The following SP4 variants were observed in gnomAD, a reference collection of about 807,000 sequenced individuals.
SP4 encodes transcription factor Sp4.
A neutral mutation model predicts 72.8 loss-of-function variants in SP4; 19 were observed. The observed-to-expected ratio is 0.26, with a 90% CI of 0.18 to 0.38. SP4 has a LOEUF of 0.38. SP4 is among the 10% of genes least tolerant of loss of function. The probability of loss-of-function intolerance (pLI) is 1.00; values close to 1 mark genes in which losing one functional copy is unlikely to be tolerated. For synonymous variants in SP4, 395 were observed against 333.1 expected, an observed-to-expected ratio of 1.19 and a Z score of -2.02; for missense variants, 1,008 against 926.3, an observed-to-expected ratio of 1.09 and a Z score of -1.14.
In SP4 at chr7:21,452,668, T is replaced by A; in HGVS notation, c.1678+21825T>A. 1.3e-5 allele frequency among the ~76,000 whole-genome samples: 2 copies of A among 152,228 alleles called. 1 individual carries two copies. The highest frequency in any genetic ancestry group is 2.9e-5 in the Non-Finnish European group (2 of 68,052). On this transcript the variant is annotated intron_variant, in intron 3 of 5. Coordinates refer to ENST00000222584, the MANE Select transcript of SP4 (RefSeq NM_003112.5). ...AAGAAAACAGATTTTATTGCACTTA[T>A]GCAAATAACTATATTGCCATTAGTT...
At chr7:21,494,580 G>A (rs922315535) in intron 5 of SP4, among the ~76,000 whole-genome samples, 1 of 152,126 alleles carries the variant, frequency 6.6e-6, no homozygotes, top group African/African-American at 2.4e-5. Flanking sequence ...CAAAATATAT[G>A]CAAGACATGT....
At chr7:21,474,123 A>G (rs957311813) in intron 3 of SP4, among the ~76,000 whole-genome samples, 2 of 152,218 alleles carry the variant, frequency 1.3e-5, no homozygotes, top group African/African-American at 4.8e-5. Context: ...TGTCAAGGAC[A>G]TGGTCAGGGG....
At chr7:21,432,713 G>A (rs1782906081) in intron 3 of SP4, among the ~76,000 whole-genome samples, 1 of 152,206 alleles carries the variant, frequency 6.6e-6, no homozygotes, top group Admixed American at 6.5e-5. Flanking sequence ...CACTGAAGTG[G>A]CTGGGTGTGG....
At chr7:21,447,635 A>G (rs909328491) in intron 3 of SP4, among the ~76,000 whole-genome samples, 1 of 152,212 alleles carries the variant, frequency 6.6e-6, no homozygotes, top group Non-Finnish European at 1.5e-5. Flanking sequence ...CAGCCTCACA[A>G]CTACTGGCAT....
chr7:21,428,704 CGGCA>C lies in SP4; in HGVS notation c.37_40del (p.Ala13ArgfsTer45). ...CAGAAGAAGGAGGAGGAGGAGGAGG[CGGCA>C]GCGGCAGCGGCGATGGCTACAGAAG... On this transcript the variant is annotated frameshift_variant, in exon 2 of 6. Transcript: ENST00000222584. LOFTEE classifies it high-confidence loss of function. The C allele has an allele frequency of 6.4e-7, 1 of 1,553,178 alleles. No homozygotes were observed. Among genetic ancestry groups the C allele is most frequent in the Non-Finnish European group, 8.7e-7 (1 of 1,147,644 alleles).
intron 5 of SP4, among the ~76,000 whole-genome samples, chr7:21,494,002 A>T (rs1403432241): frequency 6.6e-6 from 1 of 152,224 alleles, no homozygotes; most frequent in Non-Finnish European, 1.5e-5. Flanking sequence ...AATATTTGAA[A>T]AAGTCAATGT....
intron 5 of SP4, among the ~76,000 whole-genome samples, chr7:21,508,182 C>T (rs922994710): frequency 7.9e-5 from 12 of 152,122 alleles, no homozygotes; most frequent in Non-Finnish European, 1.6e-4. Flanking sequence ...TCTGCCCTCT[C>T]GGCTGGAGTC....
chr7:21,476,980 T>G, intron 3 of SP4, 99 bp from the exon 4 acceptor site: 2 of 818,418 alleles, frequency 2.4e-6, no homozygotes, highest in Non-Finnish European at 3.8e-6. Flanking sequence ...TTTACACAGA[T>G]TGTTAGAAAA....
intron 5 of SP4, among the ~76,000 whole-genome samples, chr7:21,485,256 T>C (rs1264552465): frequency 6.6e-6 from 1 of 151,974 alleles, no homozygotes; most frequent in African/African-American, 2.4e-5. Flanking sequence ...CTACTACAAA[T>C]AGAAACTTAT....
chr7:21,461,053 T>C (rs1052108379), intron 3 of SP4, among the ~76,000 whole-genome samples: 1 of 152,180 alleles, frequency 6.6e-6, no homozygotes, highest in East Asian at 1.9e-4. Flanking sequence ...TACAGAGTGC[T>C]GATTGGTGTA....
At chr7:21,439,039 A>G (rs1783144283) in intron 3 of SP4, among the ~76,000 whole-genome samples, 1 of 152,224 alleles carries the variant, frequency 6.6e-6, no homozygotes, top group Non-Finnish European at 1.5e-5. Context: ...GTATGTATGA[A>G]AAAACAATAT....
At chr7:21,438,185 A>G (rs1783113135) in intron 3 of SP4, among the ~76,000 whole-genome samples, 1 of 152,186 alleles carries the variant, frequency 6.6e-6, no homozygotes, top group African/African-American at 2.4e-5. Flanking sequence ...CTGCAGAAGA[A>G]TTTCTTGTAC....
At chr7:21,497,619 A>G (rs1781752368) in intron 5 of SP4, among the ~76,000 whole-genome samples, 3 of 152,264 alleles carry the variant, frequency 2.0e-5, no homozygotes, top group South Asian at 4.1e-4. Context: ...AAGCATCATA[A>G]GGATTAGAAT....
intron 3 of SP4, among the ~76,000 whole-genome samples, chr7:21,465,449 G>C (rs1045134186): frequency 3.3e-5 from 5 of 152,204 alleles, no homozygotes; most frequent in Non-Finnish European, 7.3e-5. Flanking sequence ...TAGCAGCTAT[G>C]TAATCTTGGG....
At chr7:21,453,331 A>T (rs1042775378) in intron 3 of SP4, among the ~76,000 whole-genome samples, 1 of 152,288 alleles carries the variant, frequency 6.6e-6, no homozygotes, top group South Asian at 2.1e-4. Flanking sequence ...CCTATCAGTA[A>T]TTATAAAACC....
intron 3 of SP4, among the ~76,000 whole-genome samples, chr7:21,431,230 A>G (rs1043652000): frequency 6.6e-6 from 1 of 152,196 alleles, no homozygotes; most frequent in African/African-American, 2.4e-5. Context: ...CTGAATTGGT[A>G]TATATAATTG....
chr7:21,472,023 C>G (rs1194431777), intron 3 of SP4, among the ~76,000 whole-genome samples: 1 of 152,060 alleles, frequency 6.6e-6, no homozygotes, highest in African/African-American at 2.4e-5. Flanking sequence ...TGAAAAAGAG[C>G]TATATTAGGA....
intron 2 of SP4, 47 bp downstream of exon 2, chr7:21,428,839 G>T (rs1202613594): frequency 7.1e-7 from 1 of 1,416,410 alleles, no homozygotes; most frequent in Non-Finnish European, 9.6e-7. Context: ...CATTAGGAGA[G>T]AGAGGGAGTT....
intron 3 of SP4, among the ~76,000 whole-genome samples, chr7:21,462,776 A>T (rs1037838634): frequency 6.6e-5 from 10 of 151,504 alleles, no homozygotes; most frequent in African/African-American, 2.2e-4. Context: ...AGTGAGAACC[A>T]TCAGAGAAAT....
Sources: gnomAD v4.1 joint callset for allele counts (sites outside exome capture counted in the v4.1 genomes callset) on GRCh38, gnomAD v4.1.1 for gene constraint, MANE v1.5 for transcripts, NCBI Gene and HGNC (gene_info 2026-07-23, HGNC 2026-07-21) for gene names.